Variants in XIST observed in about 807,000 individuals in gnomAD.
The protein encoded by XIST is X inactive specific transcript (non-protein coding).
chrX:73,837,449 C>A (rs1367086968), exon 2 of XIST: 2 of 498,761 alleles, frequency 4.0e-6, no homozygotes, highest in South Asian at 5.5e-5. Flanking sequence ...CCAAGAGGAG[C>A]CTAAGGAGAC....
chrX:73,848,280 T>C (rs758533059), exon 1 of XIST: 2 of 555,053 alleles, frequency 3.6e-6, no homozygotes, highest in Admixed American at 2.2e-5. Flanking sequence ...ATAGGGAAAT[T>C]GCATTTTGCA....
At chrX:73,831,349 T>C (rs139188370) in intron 3 of XIST, 1 of 449,118 alleles carries the variant, frequency 2.2e-6, no homozygotes, top group East Asian at 3.7e-5. Context: ...AACTAGTGGT[T>C]GAGTTCAACC....
In XIST at chrX:73,829,665, CTG is replaced by C. The variant is rs1322877900; in HGVS notation, n.11753-436_11753-435del. ...ATTAGCCGGGCGTGGTGGTGCATGA[CTG>C]TAATCCCAGCTACTTGGGAGGCTGA... On this transcript the variant is annotated intron_variant and non_coding_transcript_variant, in intron 4 of 5. Coordinates refer to ENST00000429829, the Ensembl canonical transcript of XIST. 6.4e-5 allele frequency among the ~76,000 whole-genome samples: 7 copies of C among 108,893 alleles called. No homozygotes were observed. The Admixed American group carries it at 6.9e-4, about 11-fold the overall frequency. 94.6% of individuals were successfully genotyped at this position (108,893 alleles called of 115,157 possible). A position where few individuals can be genotyped will look rare whatever the true frequency, so the allele number is the denominator to read the frequency against.
rs1230950354 is a variant in XIST at position 73,848,303 on chromosome X, C to T, written n.4421G>A. 3 of 553,616 alleles carry T rather than the reference C, an allele frequency of 5.4e-6. No homozygotes were observed. The African/African-American group carries it at 6.7e-5, about 12-fold the overall frequency. 45.6% of individuals were successfully genotyped at this position (553,616 alleles called of 1,213,427 possible). A position where few individuals can be genotyped will look rare whatever the true frequency, so the allele number is the denominator to read the frequency against. ...ATTGCATTTTGCACATCAATAATTTCTGGAGGAGGGGCATTAGGTAACCAG... is the reference window on the plus strand; with the variant it reads ...ATTGCATTTTGCACATCAATAATTTTTGGAGGAGGGGCATTAGGTAACCAG... On this transcript the variant is annotated non_coding_transcript_exon_variant, in exon 1 of 6. Transcript: ENST00000429829.
exon 6 of XIST, chrX:73,824,273 G>A (rs759560109): frequency 1.9e-5 from 10 of 513,544 alleles, no homozygotes; most frequent in Non-Finnish European, 2.8e-5. Flanking sequence ...TTGCGTATGC[G>A]TATTCAAAAG....
exon 6 of XIST, chrX:73,826,772 G>C: frequency 3.6e-6 from 2 of 558,543 alleles, no homozygotes; most frequent in South Asian, 4.5e-5. Context: ...ATCTAGGTAG[G>C]CTTTGTGACA....
chrX:73,848,134 T>C (rs1922821075), exon 1 of XIST: 1 of 556,883 alleles, frequency 1.8e-6, no homozygotes, highest in South Asian at 2.2e-5. Flanking sequence ...ACTGTAATGC[T>C]AAGAGGGTGT....
At chrX:73,839,823 A>G (rs1922553310) in intron 1 of XIST, among the ~76,000 whole-genome samples, 1 of 110,027 alleles carries the variant, frequency 9.1e-6, no homozygotes, top group Admixed American at 9.9e-5. Flanking sequence ...AGTATAATCA[A>G]TCCACCTAAA....
At chrX:73,841,702 G>C (rs186281013) in exon 1 of XIST, 2 of 515,734 alleles carry the variant, frequency 3.9e-6, no homozygotes, top group Admixed American at 5.3e-5. Context: ...TAGGGAACTC[G>C]TCTTATCATT....
chrX:73,845,963 T>C, exon 1 of XIST: 1 of 551,821 alleles, frequency 1.8e-6, no homozygotes, highest in Non-Finnish European at 3.3e-6. Flanking sequence ...AGGACCTTAT[T>C]CAGATGGAAT....
At chrX:73,850,053 A>C (rs759286279) in exon 1 of XIST, 1 of 559,114 alleles carries the variant, frequency 1.8e-6, no homozygotes, top group Admixed American at 2.2e-5. Flanking sequence ...CTGTCTGATA[A>C]GTAGGTGATT....
At chrX:73,829,012 A>C (rs962434409) in intron 5 of XIST, 8 of 492,947 alleles carry the variant, frequency 1.6e-5, no homozygotes, top group Admixed American at 1.6e-4. Context: ...CCCAAAAAAC[A>C]GCTGTTATAA....
chrX:73,850,951 G>A (rs768999821), exon 1 of XIST: 1 of 558,735 alleles, frequency 1.8e-6, no homozygotes, highest in Non-Finnish European at 3.2e-6. Flanking sequence ...CTGGTGTACC[G>A]CCCACTGGGA....
exon 1 of XIST, chrX:73,852,532 G>A (rs922683854): frequency 3.8e-6 from 2 of 530,909 alleles, no homozygotes; most frequent in South Asian, 2.6e-5. Flanking sequence ...TATGGAGGAC[G>A]TGTCAAGAAG....
chrX:73,846,148 A>G, exon 1 of XIST: 1 of 554,355 alleles, frequency 1.8e-6, no homozygotes, highest in South Asian at 2.2e-5. Flanking sequence ...AATACACAGG[A>G]ACCGGGACAA....
chrX:73,845,581 T>G (rs1215731887), exon 1 of XIST: 11 of 552,985 alleles, frequency 2.0e-5, no homozygotes, highest in Non-Finnish European at 3.6e-5. Flanking sequence ...ATCACACACA[T>G]AACAGGCCAA....
chrX:73,829,256 A>T (rs1290880244), intron 4 of XIST: 1 of 545,617 alleles, frequency 1.8e-6, no homozygotes, highest in Non-Finnish European at 3.3e-6. Flanking sequence ...GAGATAAACC[A>T]TGTAAATGCC....
chrX:73,824,236 A>C, exon 6 of XIST: 1 of 515,513 alleles, frequency 1.9e-6, no homozygotes. Context: ...TAACTACTAT[A>C]GTGGCATTCT....
chrX:73,834,684 G>A (rs772506310), intron 2 of XIST, among the ~76,000 whole-genome samples: 21 of 111,676 alleles, frequency 1.9e-4, no homozygotes, highest in African/African-American at 6.2e-4. Context: ...ACAGCTAGAC[G>A]TGATATTAAT....
Sources: gnomAD v4.1 joint callset for allele counts (sites outside exome capture counted in the v4.1 genomes callset) on GRCh38, gnomAD v4.1.1 for gene constraint, MANE v1.5 for transcripts, NCBI Gene and HGNC (gene_info 2026-07-23, HGNC 2026-07-21) for gene names.